Variants in HEATR4 observed in about 807,000 individuals in gnomAD.
The protein encoded by HEATR4 is HEAT repeat containing 4, also known as HEAT repeat-containing protein 4.
HEATR4 carries 95 observed loss-of-function variants against 108.8 expected under a neutral mutation model. The ratio of observed to expected loss-of-function variants is 0.87; its 90% confidence interval spans 0.74 to 1.04. The LOEUF is 1.04. Among genes scored for constraint, HEATR4 ranks in the 50% least tolerant of loss-of-function variants. HEATR4 has a pLI of 0.00. For synonymous variants in HEATR4, 443 were observed against 459.4 expected, an observed-to-expected ratio of 0.96 and a Z score of 0.46; for missense variants, 1,152 against 1,253.8, an observed-to-expected ratio of 0.92 and a Z score of 1.23.
chr14:73,600,032 A>G, the HEATR4 span, among the ~76,000 whole-genome samples: 4 of 152,166 alleles, frequency 2.6e-5, no homozygotes, highest in African/African-American at 7.2e-5. Context: ...CTCCTTGAAT[A>G]TCCTTCTTCT....
the HEATR4 span, among the ~76,000 whole-genome samples, chr14:73,594,868 T>A: frequency 5.7e-3 from 870 of 151,430 alleles, 35 homozygotes; most frequent in Admixed American, 0.041. Context: ...ACTCGGCTAA[T>A]TTTTTTTTGT....
intron 17 of HEATR4, among the ~76,000 whole-genome samples, chr14:73,483,213 GA>G (rs1401745897): frequency 2.0e-5 from 3 of 152,162 alleles, no homozygotes; most frequent in Non-Finnish European, 2.9e-5. Flanking sequence ...TTTATGTATG[GA>G]AAATTGGAAC....
chr14:73,617,341 A>G, the HEATR4 span: 3 of 1,097,550 alleles, frequency 2.7e-6, no homozygotes, highest in Non-Finnish European at 4.1e-6. Flanking sequence ...GAAGCTGGGC[A>G]TGGTGATGTG....
Position 73,492,127 on chromosome 14 carries a change from T to C in HEATR4, c.2844+939A>G. The C allele has an allele frequency of 6.2e-7, 1 of 1,613,898 alleles. No homozygotes were observed. The highest frequency in any genetic ancestry group is 8.5e-7 in the Non-Finnish European group (1 of 1,179,830). ...CCCGAGTCCCAACCGAGGAACTGGCTCTGACATCCAGCCCCAACTTCAGTC... is the reference window on the plus strand; with the variant it reads ...CCCGAGTCCCAACCGAGGAACTGGCCCTGACATCCAGCCCCAACTTCAGTC... On this transcript the variant is annotated intron_variant, in intron 17 of 17. Coordinates refer to ENST00000553558, the MANE Select transcript of HEATR4 (RefSeq NM_001220484.1). This position sits in a 1 kb window ranked among gnomAD's most constrained non-coding sequence, Gnocchi z 4.9.
the HEATR4 span, among the ~76,000 whole-genome samples, chr14:73,583,845 C>G: frequency 6.6e-6 from 1 of 151,818 alleles, no homozygotes; most frequent in East Asian, 1.9e-4. Flanking sequence ...ACTAAAAATA[C>G]AAAAATTAGC....
At chr14:73,495,061 CAA>C (rs11365617) in intron 16 of HEATR4, among the ~76,000 whole-genome samples, 165 bp downstream of exon 16, 5 of 149,522 alleles carry the variant, frequency 3.3e-5, no homozygotes, top group South Asian at 2.1e-4. Flanking sequence ...AACAAACAAA[CAA>C]AAAAAAAACA....
Position 73,478,982 on chromosome 14 carries a change from A to G in HEATR4, c.2845-140T>C, listed in dbSNP as rs1000121234. On this transcript the variant is annotated intron_variant, in intron 17 of 17. Coordinates refer to ENST00000553558, the MANE Select transcript of HEATR4 (RefSeq NM_001220484.1). ...GAGACGGAGTCCCACTCTGTCGCCCAGGCTGGAGTTCAGTGGCGCAATCTC... is the reference window on the plus strand; with the variant it reads ...GAGACGGAGTCCCACTCTGTCGCCCGGGCTGGAGTTCAGTGGCGCAATCTC... The G allele has an allele frequency of 5.2e-5, 30 of 575,498 alleles. No homozygotes were observed. In the African/African-American group the frequency reaches 5.6e-4, roughly 11 times the overall value. The allele number at this position is 575,498 out of a possible 1,614,324, so 35.6% of individuals were successfully genotyped here.
chr14:73,515,671 CAAAAAAAAAAA>C (rs35601077), intron 5 of HEATR4, among the ~76,000 whole-genome samples: 21 of 33,518 alleles, frequency 6.3e-4, no homozygotes, highest in East Asian at 4.4e-3. Flanking sequence ...GACTCCATCT[CAAAAAAAAAAA>C]AAAAAAAAAA....
intron 1 of HEATR4, among the ~76,000 whole-genome samples, chr14:73,553,981 A>T (rs1453222710): frequency 8.7e-6 from 1 of 115,314 alleles, no homozygotes; most frequent in Non-Finnish European, 1.9e-5. Flanking sequence ...ATCTTTAATT[A>T]TCATGACAAT....
At chr14:73,520,049 A>G (rs1343939854) in intron 4 of HEATR4, 1 of 152,196 alleles carries the variant, frequency 6.6e-6, no homozygotes, top group African/African-American at 2.4e-5. Context: ...TATCCCTTAT[A>G]AAAAGCTAGA....
chr14:73,510,277 A>G (rs1189722714), intron 7 of HEATR4, among the ~76,000 whole-genome samples: 1 of 152,134 alleles, frequency 6.6e-6, no homozygotes, highest in African/African-American at 2.4e-5. Flanking sequence ...GTATCATTGT[A>G]GAGCTCACTA....
chr14:73,593,694 T>C, the HEATR4 span: 1 of 1,591,208 alleles, frequency 6.3e-7, no homozygotes, highest in African/African-American at 1.4e-5. Context: ...TAATATTTTG[T>C]TCTCTAGGAC....
chr14:73,544,893 G>A lies in HEATR4; in HGVS notation c.-152+13858C>T, dbSNP rs372641480. On this transcript the variant is annotated intron_variant, in intron 1 of 17. Coordinates refer to ENST00000553558, the MANE Select transcript of HEATR4 (RefSeq NM_001220484.1). ...CAGTGAGCCGAGATTGTGCTACTGC[G>A]CTCTAGCCTGGGTGACAGCAGGATA... is the stretch of plus-strand genomic sequence containing the variant. 7.2e-5 allele frequency among the ~76,000 whole-genome samples: 8 copies of A among 110,562 alleles called. 4 individuals are homozygous for A. The highest frequency in any genetic ancestry group is 2.3e-4 in the African/African-American group (8 of 34,064). 72.5% of individuals were successfully genotyped at this position (110,562 alleles called of 152,430 possible).
chr14:73,484,182 G>A (rs1173434830), intron 17 of HEATR4, among the ~76,000 whole-genome samples: 2 of 151,666 alleles, frequency 1.3e-5, no homozygotes, highest in Non-Finnish European at 2.9e-5. Flanking sequence ...ATTTAAGAAG[G>A]TAAAGAGGTG....
chr14:73,582,372 ATTC>A, the HEATR4 span: 1 of 151,022 alleles, frequency 6.6e-6, no homozygotes, highest in African/African-American at 2.5e-5. Context: ...CATTTGAGAT[ATTC>A]TTTCAGGTCC....
At chr14:73,490,877 AG>A in intron 17 of HEATR4, 1 of 866,220 alleles carries the variant, frequency 1.2e-6, no homozygotes, top group Non-Finnish European at 1.5e-6. Flanking sequence ...GGGGCCGAAT[AG>A]AAGAATGATG....
upstream of HEATR4, among the ~76,000 whole-genome samples, chr14:73,561,367 A>G (rs1889529235): frequency 6.6e-6 from 1 of 151,556 alleles, no homozygotes; most frequent in Non-Finnish European, 1.5e-5. Context: ...GTTTATCTCA[A>G]AAAAAAAGAA....
the HEATR4 span, among the ~76,000 whole-genome samples, chr14:73,591,033 A>G: frequency 6.6e-6 from 1 of 152,226 alleles, no homozygotes; most frequent in African/African-American, 2.4e-5. Context: ...GTTTGTGCTC[A>G]GGAGTTCGAG....
At chr14:73,596,623 CAG>C in the HEATR4 span, 5 of 151,994 alleles carry the variant, frequency 3.3e-5, no homozygotes, top group Admixed American at 1.3e-4. Flanking sequence ...TTTTTTGAGA[CAG>C]AGTCACTCTG....
Sources: gnomAD v4.1 joint callset for allele counts (sites outside exome capture counted in the v4.1 genomes callset) on GRCh38, gnomAD v4.1.1 for gene constraint, Gnocchi (gnomAD v3.1) non-coding constraint, MANE v1.5 for transcripts, NCBI Gene and HGNC (gene_info 2026-07-23, HGNC 2026-07-21) for gene names.